The following OR11A1 variants were observed in gnomAD, a reference collection of about 807,000 sequenced individuals.
OR11A1 encodes the protein olfactory receptor 11A1.
For synonymous variants in OR11A1, 158 were observed against 152.2 expected (o/e 1.04, Z -0.28); for missense variants, 380 against 378.2 (o/e 1.00, Z -0.04).
At chr6:29,431,227 A>G (rs1230666692) in intron 2 of OR11A1, among the ~76,000 whole-genome samples, 2 of 152,176 alleles carry the variant, frequency 1.3e-5, no homozygotes, top group African/African-American at 4.8e-5. Flanking sequence ...GTACATTTTA[A>G]TTCATCTTTA....
Position 29,427,709 on chromosome 6 carries a change from A to G in OR11A1, c.-68T>C, listed in dbSNP as rs1404236086. 6 of 1,529,938 alleles carry G rather than the reference A, an allele frequency of 3.9e-6. No homozygotes were observed. The highest frequency in any genetic ancestry group is 5.3e-6 in the Non-Finnish European group (6 of 1,141,204). 94.8% of individuals were successfully genotyped at this position (1,529,938 alleles called of 1,614,324 possible). On this transcript the variant is annotated 5_prime_UTR_variant, in exon 5 of 5. Coordinates refer to ENST00000377149, the MANE Select transcript of OR11A1 (RefSeq NM_001394828.1). ...ATTTTAGCATGTCTCTGCATCTTCT[A>G]TACCAAGCCTAACGTTATTAGAGCT...
chr6:29,440,522 C>T (rs767565339), intron 1 of OR11A1: 6 of 1,613,618 alleles, frequency 3.7e-6, no homozygotes, highest in Non-Finnish European at 4.2e-6. Flanking sequence ...CCTTCTGCGG[C>T]CCCAATACCA....
chr6:29,428,206 T>TA (rs1158246229), intron 4 of OR11A1: 2 of 984,194 alleles, frequency 2.0e-6, no homozygotes, highest in Non-Finnish European at 2.4e-6. Flanking sequence ...TAATCAGTGA[T>TA]ACCTTACCAA....
At chr6:29,455,188 T>G (rs536058080) in intron 1 of OR11A1, among the ~76,000 whole-genome samples, 70 of 152,128 alleles carry the variant, frequency 4.6e-4, no homozygotes, top group Non-Finnish European at 8.2e-4. Flanking sequence ...CTTAAAAGCT[T>G]CTTCTCCTTT....
chr6:29,448,728 C>T (rs28359956), intron 1 of OR11A1, among the ~76,000 whole-genome samples: 1 of 152,206 alleles, frequency 6.6e-6, no homozygotes, highest in African/African-American at 2.4e-5. Context: ...ATACTGGACA[C>T]TTTGACCTCT....
intron 1 of OR11A1, among the ~76,000 whole-genome samples, chr6:29,456,178 C>A (rs1786192152): frequency 6.6e-6 from 1 of 150,478 alleles, no homozygotes; most frequent in African/African-American, 2.5e-5. Flanking sequence ...TCCAGTGAGC[C>A]GAGATCACAC....
Position 29,426,642 on chromosome 6 carries a change from A to G in OR11A1, c.*52T>C. The G allele has an allele frequency of 7.2e-7, 1 of 1,395,782 alleles. No homozygotes were observed. The highest frequency in any genetic ancestry group is 1.3e-5 in the South Asian group (1 of 75,880). 86.5% of individuals were successfully genotyped at this position (1,395,782 alleles called of 1,614,324 possible). On this transcript the variant is annotated 3_prime_UTR_variant, in exon 5 of 5. Transcript: ENST00000377149. The stretch of plus-strand genomic sequence containing the variant: ...ACTCCTCTCCAACCCATCCTGGAAG[A>G]GTCCCCAGTGGAGGTGTCCGAAGTC...
chr6:29,428,756 CAAAAAAAAAAA>C lies in OR11A1; in HGVS notation c.-92+146_-92+156del, dbSNP rs11424255. Among the ~76,000 whole-genome samples the C allele has an allele frequency of 2.4e-3, 115 of 47,882 alleles. 1 individual carries two copies. The highest frequency in any genetic ancestry group is 9.4e-3 in the African/African-American group (108 of 11,512). The allele number at this position is 47,882 out of a possible 152,430, so 31.4% of individuals were successfully genotyped here. ...TGGGCAATAGAACGAAACTCCATCT[CAAAAAAAAAAA>C]AAAAAAAAAAAAAAAAAAGAGTTGG... On this transcript the variant is annotated intron_variant, in intron 4 of 4. Transcript: ENST00000377149.
chr6:29,455,150 A>G (rs189970736), intron 1 of OR11A1, among the ~76,000 whole-genome samples: 111 of 152,302 alleles, frequency 7.3e-4, no homozygotes, highest in Non-Finnish European at 1.2e-3. Flanking sequence ...CTGCAAAAAG[A>G]TAATTGATGA....
chr6:29,436,597 T>C (rs1181536882), intron 1 of OR11A1, among the ~76,000 whole-genome samples: 1 of 152,198 alleles, frequency 6.6e-6, no homozygotes, highest in Non-Finnish European at 1.5e-5. Context: ...GCATCTCCCC[T>C]AAAGCAAGGA....
In OR11A1 at chr6:29,432,318, C is replaced by T. The variant is rs186704128; in HGVS notation, c.-388-331G>A. Among the ~76,000 whole-genome samples the T allele has an allele frequency of 9.0e-4, 137 of 152,286 alleles. 5 individuals carry two copies. In the East Asian group the frequency reaches 0.018, roughly 20 times the overall value. The stretch of plus-strand genomic sequence containing the variant: ...ACCAAAAGAGCCAAATGGAGCCCAC[C>T]TTTCCATCCCCTTGGGGACAAATGC... On this transcript the variant is annotated intron_variant, in intron 1 of 4. Coordinates refer to ENST00000377149, the MANE Select transcript of OR11A1 (RefSeq NM_001394828.1).
At chr6:29,441,024 C>A in intron 1 of OR11A1, 1 of 999,072 alleles carries the variant, frequency 1.0e-6, no homozygotes, top group Non-Finnish European at 1.5e-6. Flanking sequence ...CAAAGAGTCT[C>A]CCTTAAGGTC....
Position 29,426,919 on chromosome 6 carries a change from T to A in OR11A1, c.723A>T (p.Thr241=), listed in dbSNP as rs781326974. 6.2e-7 allele frequency: 1 copy of A among 1,612,976 alleles called. No homozygotes were observed. The highest frequency in any genetic ancestry group is 1.1e-5 in the South Asian group (1 of 91,066). Reference sequence around the variant, plus strand: ...TCACTACAGCTAGGTGGGAGGAGCATGTGGAGAAAGCCCTTCTCCTGCTTG... The same window carrying A: ...TCACTACAGCTAGGTGGGAGGAGCAAGTGGAGAAAGCCCTTCTCCTGCTTG... ...AGASRRRAFS[T]CSSHLAVVTT... Residue 241 remains threonine, a synonymous_variant, in exon 5 of 5, where the codon ACA becomes ACT. Coordinates refer to ENST00000377149, the MANE Select transcript of OR11A1 (RefSeq NM_001394828.1).
At chr6:29,439,858 G>T (rs928335918) in intron 1 of OR11A1, 8 of 624,506 alleles carry the variant, frequency 1.3e-5, no homozygotes, top group Middle Eastern at 3.9e-4. Flanking sequence ...TCCAGGCAAG[G>T]CTGCCTAATT....
At chr6:29,438,446 A>T (rs983268483) in intron 1 of OR11A1, among the ~76,000 whole-genome samples, 1 of 145,920 alleles carries the variant, frequency 6.9e-6, no homozygotes, top group African/African-American at 2.7e-5. Context: ...TTATCAAATA[A>T]ATTGATTACT....
At chr6:29,448,015 T>TC (rs1275935427) in intron 1 of OR11A1, among the ~76,000 whole-genome samples, 48 of 138,518 alleles carry the variant, frequency 3.5e-4, no homozygotes, top group African/African-American at 9.9e-4. Context: ...CCTTTCTTTT[T>TC]TTTTTTTTTT....
At chr6:29,440,693 G>T in intron 1 of OR11A1, 1 of 1,614,110 alleles carries the variant, frequency 6.2e-7, no homozygotes, top group Non-Finnish European at 8.5e-7. Context: ...CCATCTTCCG[G>T]ATCCCATCTG....
chr6:29,440,406 T>C, intron 1 of OR11A1: 1 of 1,614,064 alleles, frequency 6.2e-7, no homozygotes, highest in Non-Finnish European at 8.5e-7. Context: ...ACCCCTCCGC[T>C]ACCCACTGCT....
At chr6:29,439,905 A>T in intron 1 of OR11A1, 1 of 765,138 alleles carries the variant, frequency 1.3e-6, no homozygotes, top group Non-Finnish European at 2.2e-6. Flanking sequence ...AGGGAGATCT[A>T]GTGCTGCGAT....
Sources: gnomAD v4.1 joint callset for allele counts (sites outside exome capture counted in the v4.1 genomes callset) on GRCh38, gnomAD v4.1.1 for gene constraint, MANE v1.5 for transcripts, NCBI Gene and HGNC (gene_info 2026-07-23, HGNC 2026-07-21) for gene names.